Variants in DPP6 observed in about 807,000 individuals in gnomAD.
DPP6 encodes dipeptidyl peptidase like 6, also known as A-type potassium channel modulatory protein DPP6.
DPP6 carries 69 observed loss-of-function variants against 122.6 expected under a neutral mutation model. The observed-to-expected ratio is 0.56, with a 90% CI of 0.46 to 0.69. The LOEUF (loss-of-function observed/expected upper bound fraction) is 0.69, where lower values mean the gene tolerates loss of function less well. Among genes scored for constraint, DPP6 ranks in the 30% least tolerant of loss-of-function variants. The pLI is 0.00. For synonymous variants in DPP6, 418 were observed against 433.1 expected, an observed-to-expected ratio of 0.97 and a Z score of 0.43; for missense variants, 928 against 1,116.9, an observed-to-expected ratio of 0.83 and a Z score of 2.41.
At chr7:154,182,176 A>G (rs1259181763) in intron 1 of DPP6, among the ~76,000 whole-genome samples, 1 of 152,156 alleles carries the variant, frequency 6.6e-6, no homozygotes, top group Non-Finnish European at 1.5e-5. Flanking sequence ...GGAAATTGCA[A>G]AATACCATTG....
chr7:154,071,848 C>T (rs986827815), intron 1 of DPP6, among the ~76,000 whole-genome samples: 1 of 152,194 alleles, frequency 6.6e-6, no homozygotes, highest in African/African-American at 2.4e-5. Context: ...TTTCTTCTTT[C>T]TTCAACTTCC....
chr7:154,735,219 A>G (rs1842517935), intron 8 of DPP6, among the ~76,000 whole-genome samples: 1 of 152,158 alleles, frequency 6.6e-6, no homozygotes. Context: ...CCACGTTTAG[A>G]TTCTCCAAGC....
chr7:154,567,005 G>C, intron 5 of DPP6, 89 bp downstream of exon 5: 2 of 942,402 alleles, frequency 2.1e-6, no homozygotes, highest in Non-Finnish European at 3.2e-6. Flanking sequence ...TCTATACTTA[G>C]TGATCTTTGA....
At chr7:153,786,936 G>T in the DPP6 span, among the ~76,000 whole-genome samples, 1 of 145,394 alleles carries the variant, frequency 6.9e-6, no homozygotes, top group Non-Finnish European at 1.5e-5. Context: ...GGAAGGGGAA[G>T]ATTTCCTTTT....
chr7:154,321,500 C>T (rs1291870285), intron 1 of DPP6, among the ~76,000 whole-genome samples: 1 of 151,532 alleles, frequency 6.6e-6, no homozygotes, highest in African/African-American at 2.4e-5. Context: ...TTGATGATGG[C>T]GGCCAGGCGC....
intron 3 of DPP6, among the ~76,000 whole-genome samples, chr7:154,532,042 C>A (rs756314909): frequency 1.3e-5 from 2 of 151,890 alleles, no homozygotes; most frequent in Non-Finnish European, 2.9e-5. Flanking sequence ...CCAAACCCAG[C>A]CATATAAATG....
intron 1 of DPP6, among the ~76,000 whole-genome samples, chr7:154,189,016 G>A (rs1798487044): frequency 6.6e-6 from 1 of 152,184 alleles, no homozygotes; most frequent in African/African-American, 2.4e-5. Context: ...AATAGCCTGG[G>A]TGTTTGTGTT....
rs528143083 is a variant in DPP6, at chr7:154,514,092, G to C, written c.458-26440G>C. Among the ~76,000 whole-genome samples the C allele has an allele frequency of 2.6e-5, 4 of 152,176 alleles. No homozygotes were observed. In the South Asian group the frequency reaches 8.3e-4, roughly 32 times the overall value. ...AGTTCAAGGCCAGCCTGATCAACAT[G>C]GTGAAACCCTGTCTCTACTAAAATT... is the stretch of plus-strand genomic sequence containing the variant. On this transcript the variant is annotated intron_variant, in intron 3 of 25. Coordinates refer to ENST00000377770, the MANE Select transcript of DPP6 (RefSeq NM_130797.4).
intron 1 of DPP6, among the ~76,000 whole-genome samples, chr7:153,941,591 A>T (rs2129016878): frequency 6.6e-6 from 1 of 152,332 alleles, no homozygotes; most frequent in South Asian, 2.1e-4. Flanking sequence ...GAAACAGGAA[A>T]CAGGAGGTGA....
At chr7:154,830,859 TG>T (rs1397473776) in intron 16 of DPP6, among the ~76,000 whole-genome samples, 1 of 152,252 alleles carries the variant, frequency 6.6e-6, no homozygotes, top group Non-Finnish European at 1.5e-5. Context: ...GTTTCAAGTA[TG>T]AGTTCCTTCA....
At chr7:154,705,099 G>T (rs1360675206) in intron 7 of DPP6, among the ~76,000 whole-genome samples, 1 of 152,108 alleles carries the variant, frequency 6.6e-6, no homozygotes, top group Non-Finnish European at 1.5e-5. Context: ...TCAGAAACCT[G>T]GTACAAGGAA....
chr7:154,811,958 G>A (rs1243122846), intron 16 of DPP6, among the ~76,000 whole-genome samples: 1 of 152,148 alleles, frequency 6.6e-6, no homozygotes, highest in Non-Finnish European at 1.5e-5. Flanking sequence ...TCCTTTTTTA[G>A]GTTGAGGATA....
At chr7:154,728,052 G>A (rs1452669417) in intron 8 of DPP6, among the ~76,000 whole-genome samples, 165 bp downstream of exon 8, 1 of 152,236 alleles carries the variant, frequency 6.6e-6, no homozygotes, top group African/African-American at 2.4e-5. Flanking sequence ...TTGGGATCAG[G>A]CTGATCAGCA....
chr7:153,777,790 A>G, the DPP6 span, among the ~76,000 whole-genome samples: 1 of 135,198 alleles, frequency 7.4e-6, no homozygotes, highest in African/African-American at 3.3e-5. Flanking sequence ...TGGGGTGATG[A>G]AATCATTCTG....
the DPP6 span, among the ~76,000 whole-genome samples, chr7:153,855,248 GAAATAATAA>G: frequency 1.2e-3 from 121 of 100,150 alleles, no homozygotes; most frequent in African/African-American, 4.0e-3. Flanking sequence ...TAAAAAAAAA[GAAATAATAA>G]AAATAATACC....
At chr7:154,575,910 C>T (rs1454782031) in intron 5 of DPP6, among the ~76,000 whole-genome samples, 2 of 151,866 alleles carry the variant, frequency 1.3e-5, no homozygotes, top group African/African-American at 2.4e-5. Context: ...GTTTCAGGAT[C>T]GATTCTTTCG....
intron 16 of DPP6, among the ~76,000 whole-genome samples, chr7:154,818,471 T>G (rs1231589266): frequency 6.6e-6 from 1 of 152,206 alleles, no homozygotes; most frequent in African/African-American, 2.4e-5. Flanking sequence ...TCAAATTATT[T>G]GCTAATAACT....
chr7:153,757,532 G>A, the DPP6 span, among the ~76,000 whole-genome samples: 1 of 152,170 alleles, frequency 6.6e-6, no homozygotes, highest in South Asian at 2.1e-4. Context: ...CATTGGTTGA[G>A]TGGGGCACCT....
chr7:154,304,114 A>T (rs945295570), intron 1 of DPP6, among the ~76,000 whole-genome samples: 3 of 152,190 alleles, frequency 2.0e-5, no homozygotes, highest in Non-Finnish European at 4.4e-5. Context: ...CCGTATATAT[A>T]AATGGCTGAA....
Sources: allele counts gnomAD v4.1 joint callset (sites outside exome capture counted in the v4.1 genomes callset), GRCh38; gene constraint gnomAD v4.1.1; transcripts MANE v1.5; gene names NCBI Gene and HGNC (gene_info 2026-07-23, HGNC 2026-07-21).